The following ZNF385D variants were observed in gnomAD, a reference collection of about 807,000 sequenced individuals.
The protein encoded by ZNF385D is zinc finger protein 659.
ZNF385D carries 15 observed loss-of-function variants against 35.8 expected under a neutral mutation model. The observed-to-expected ratio is 0.42, with a 90% CI of 0.28 to 0.64. ZNF385D has a LOEUF of 0.64. Among genes scored for constraint, ZNF385D ranks in the 30% least tolerant of loss-of-function variants. The pLI is 0.23. For missense variants in ZNF385D, 474 were observed against 494.6 expected, an observed-to-expected ratio of 0.96 and a Z score of 0.39; for synonymous variants, 212 against 186.8, an observed-to-expected ratio of 1.13 and a Z score of -1.10.
intron 3 of ZNF385D, among the ~76,000 whole-genome samples, chr3:22,001,359 T>G (rs1482667243): frequency 1.3e-5 from 2 of 151,860 alleles, no homozygotes; most frequent in African/African-American, 4.8e-5. Context: ...TAAAACAAAC[T>G]TTAAGTCAAA....
chr3:21,716,845 C>T (rs1479738513), intron 1 of ZNF385D, among the ~76,000 whole-genome samples: 2 of 152,032 alleles, frequency 1.3e-5, no homozygotes, highest in Non-Finnish European at 2.9e-5. Flanking sequence ...AATTTCCAGG[C>T]TGGTGCGGTG....
At chr3:22,041,173 AC>A (rs5847156) in intron 3 of ZNF385D, among the ~76,000 whole-genome samples, 37,696 of 151,902 alleles carry the variant, frequency 0.25, 5,424 homozygotes, top group Middle Eastern at 0.36. Context: ...TTGATATTTT[AC>A]CCCTCTCTGG....
chr3:21,921,030 A>C (rs1475135979), intron 3 of ZNF385D, among the ~76,000 whole-genome samples: 2 of 151,402 alleles, frequency 1.3e-5, no homozygotes, highest in Non-Finnish European at 2.9e-5. Context: ...CCTGGCTAAC[A>C]CAGTGAAACC....
intron 3 of ZNF385D, among the ~76,000 whole-genome samples, chr3:21,887,943 T>G (rs529760560): frequency 9.9e-5 from 15 of 152,138 alleles, no homozygotes; most frequent in Admixed American, 5.2e-4. Flanking sequence ...GAAATAATAT[T>G]AATACTTTGT....
chr3:21,990,382 A>G (rs1353919933), intron 3 of ZNF385D, among the ~76,000 whole-genome samples: 1 of 152,218 alleles, frequency 6.6e-6, no homozygotes. Flanking sequence ...TCCATTTTCT[A>G]TCTTACCAGG....
intron 3 of ZNF385D, among the ~76,000 whole-genome samples, chr3:22,109,781 A>G (rs1211499775): frequency 2.0e-5 from 3 of 152,264 alleles, no homozygotes; most frequent in Admixed American, 2.0e-4. Context: ...GACAAATGGG[A>G]TCTAATTAAA....
chr3:22,204,083 G>T (rs935340330), intron 2 of ZNF385D, among the ~76,000 whole-genome samples: 1 of 152,074 alleles, frequency 6.6e-6, no homozygotes, highest in Non-Finnish European at 1.5e-5. Flanking sequence ...CCCAATGGTG[G>T]TGGCCACAGG....
intron 4 of ZNF385D, among the ~76,000 whole-genome samples, chr3:21,503,880 A>C (rs1392552931): frequency 6.6e-6 from 1 of 152,170 alleles, no homozygotes. Flanking sequence ...GCATTCATAG[A>C]CCTTCTTAGC....
intron 2 of ZNF385D, among the ~76,000 whole-genome samples, chr3:22,299,844 T>A (rs1040493400): frequency 6.6e-6 from 1 of 151,888 alleles, no homozygotes; most frequent in African/African-American, 2.4e-5. Flanking sequence ...ATAACCTGTG[T>A]CCGTAGATTA....
At chr3:22,003,957 A>G (rs1245038322) in intron 3 of ZNF385D, among the ~76,000 whole-genome samples, 3 of 152,188 alleles carry the variant, frequency 2.0e-5, no homozygotes, top group South Asian at 2.1e-4. Flanking sequence ...CTGAGTAAAA[A>G]AAAACAAAGC....
At chr3:22,196,375 A>G (rs903736311) in intron 2 of ZNF385D, among the ~76,000 whole-genome samples, 1 of 152,100 alleles carries the variant, frequency 6.6e-6, no homozygotes, top group African/African-American at 2.4e-5. Flanking sequence ...TTGCAACAAT[A>G]GAAGTAGGAT....
intron 2 of ZNF385D, among the ~76,000 whole-genome samples, chr3:21,618,495 T>A (rs2064912501): frequency 6.6e-6 from 1 of 152,196 alleles, no homozygotes; most frequent in South Asian, 2.1e-4. Flanking sequence ...CATCGTGTGG[T>A]AATTTGTTAT....
At chr3:22,111,185 T>G (rs867574853) in intron 3 of ZNF385D, among the ~76,000 whole-genome samples, 12,864 of 121,704 alleles carry the variant, frequency 0.11, 780 homozygotes, top group African/African-American at 0.18. Context: ...TTGTTTTTTT[T>G]GTACTCTCAG....
chr3:21,894,818 C>A (rs538017307), intron 3 of ZNF385D, among the ~76,000 whole-genome samples: 1 of 151,924 alleles, frequency 6.6e-6, no homozygotes, highest in Non-Finnish European at 1.5e-5. Context: ...GTGTTACAAC[C>A]CTTTCAGAAG....
chr3:22,026,201 G>A (rs1697540293), intron 3 of ZNF385D, among the ~76,000 whole-genome samples: 1 of 152,264 alleles, frequency 6.6e-6, no homozygotes, highest in African/African-American at 2.4e-5. Context: ...ATGGACAGAA[G>A]ACTAATTTTA....
At chr3:22,030,295 A>AG (rs1697905138) in intron 3 of ZNF385D, among the ~76,000 whole-genome samples, 1 of 110,806 alleles carries the variant, frequency 9.0e-6, no homozygotes, top group African/African-American at 4.1e-5. Flanking sequence ...ATATATATAT[A>AG]TATATATCCT....
intron 2 of ZNF385D, among the ~76,000 whole-genome samples, chr3:21,612,207 C>A (rs1472703164): frequency 1.3e-5 from 2 of 152,134 alleles, no homozygotes; most frequent in African/African-American, 4.8e-5. Flanking sequence ...GCCTCAGCCT[C>A]CCAAGTAGCT....
At chr3:21,523,010 G>A (rs1487011553) in intron 3 of ZNF385D, among the ~76,000 whole-genome samples, 1 of 152,154 alleles carries the variant, frequency 6.6e-6, no homozygotes, top group Non-Finnish European at 1.5e-5. Flanking sequence ...GAAGAGTTTA[G>A]TGTGTCATAA....
At chr3:22,190,464 G>A (rs895110290) in intron 2 of ZNF385D, among the ~76,000 whole-genome samples, 2 of 152,156 alleles carry the variant, frequency 1.3e-5, no homozygotes, top group African/African-American at 2.4e-5. Flanking sequence ...GTGTCTAGAG[G>A]AAATTTTTCC....
Sources: allele counts gnomAD v4.1 joint callset (sites outside exome capture counted in the v4.1 genomes callset), GRCh38; gene constraint gnomAD v4.1.1; transcripts MANE v1.5; gene names NCBI Gene and HGNC (gene_info 2026-07-23, HGNC 2026-07-21).